The following GARIN1B variants were observed in gnomAD, a reference collection of about 807,000 sequenced individuals.
GARIN1B encodes golgi associated RAB2 interactor 1B, also known as Golgi-associated RAB2 interactor protein 1B.
At chr7:128,718,816 C>T in the GARIN1B span, 1 of 1,610,894 alleles carries the variant, frequency 6.2e-7, no homozygotes, top group East Asian at 2.2e-5. Flanking sequence ...TGTGTGTCTT[C>T]CCTGGTGGCT....
chr7:128,727,197 C>T, the GARIN1B span, among the ~76,000 whole-genome samples: 6 of 152,350 alleles, frequency 3.9e-5, no homozygotes, highest in Middle Eastern at 3.4e-3. Context: ...TTCAAAACCA[C>T]GCACTGAGTG....
the GARIN1B span, among the ~76,000 whole-genome samples, chr7:128,726,422 C>A: frequency 8.5e-5 from 13 of 152,316 alleles, no homozygotes; most frequent in South Asian, 2.5e-3. Flanking sequence ...CAGAATGAAG[C>A]CCCTGAGTGA....
At chr7:128,718,412 A>G in the GARIN1B span, among the ~76,000 whole-genome samples, 1 of 150,774 alleles carries the variant, frequency 6.6e-6, no homozygotes, top group Non-Finnish European at 1.5e-5. Context: ...AGCCTGGGCA[A>G]CAAGAGCAAA....
chr7:128,712,408 C>T, the GARIN1B span, among the ~76,000 whole-genome samples: 2 of 152,200 alleles, frequency 1.3e-5, no homozygotes, highest in African/African-American at 4.8e-5. Context: ...CCATCACCAC[C>T]ATCCATCTCC....
chr7:128,731,162 C>G, the GARIN1B span: 1 of 1,534,332 alleles, frequency 6.5e-7, no homozygotes. Flanking sequence ...GTCAACACCA[C>G]TTTGCAGCAT....
At chr7:128,718,966 G>A in the GARIN1B span, 1 of 1,614,100 alleles carries the variant, frequency 6.2e-7, no homozygotes, top group Non-Finnish European at 8.5e-7. Context: ...TCCACTTCTG[G>A]ATCCGACTGG....
chr7:128,714,494 C>T, the GARIN1B span, among the ~76,000 whole-genome samples: 92 of 152,050 alleles, frequency 6.1e-4, no homozygotes, highest in African/African-American at 2.1e-3. Flanking sequence ...AGGAGAATCG[C>T]TTGAACTCGG....
chr7:128,725,706 C>A, the GARIN1B span, among the ~76,000 whole-genome samples: 1 of 152,080 alleles, frequency 6.6e-6, no homozygotes, highest in African/African-American at 2.4e-5. Context: ...TTTAAAGAAC[C>A]GTTTCTGTTT....
chr7:128,720,032 A>C, the GARIN1B span, among the ~76,000 whole-genome samples: 1 of 151,620 alleles, frequency 6.6e-6, no homozygotes, highest in Non-Finnish European at 1.5e-5. Flanking sequence ...TTTTCTTCTT[A>C]TTGCATTGTA....
At chr7:128,725,048 T>C in the GARIN1B span, 2 of 277,600 alleles carry the variant, frequency 7.2e-6, no homozygotes, top group East Asian at 2.0e-4. Flanking sequence ...CTTAGAATGC[T>C]ACTCAGCAGA....
the GARIN1B span, chr7:128,731,040 C>T: frequency 4.7e-6 from 7 of 1,484,386 alleles, no homozygotes; most frequent in Admixed American, 8.4e-5. Flanking sequence ...TGTGTGCCCA[C>T]AAAAGAGCTT....
the GARIN1B span, among the ~76,000 whole-genome samples, chr7:128,714,661 T>C: frequency 6.6e-6 from 1 of 152,144 alleles, no homozygotes; most frequent in African/African-American, 2.4e-5. Context: ...GTCAGCCTGC[T>C]TGGTTCTTTC....
the GARIN1B span, among the ~76,000 whole-genome samples, chr7:128,724,277 C>T: frequency 6.6e-6 from 1 of 152,216 alleles, no homozygotes; most frequent in Non-Finnish European, 1.5e-5. Context: ...TCCCAAAGTG[C>T]CAGGACTACA....
chr7:128,728,701 G>T, the GARIN1B span, among the ~76,000 whole-genome samples: 1 of 152,106 alleles, frequency 6.6e-6, no homozygotes, highest in Non-Finnish European at 1.5e-5. Flanking sequence ...GACATATGTG[G>T]CATACCACCT....
the GARIN1B span, among the ~76,000 whole-genome samples, chr7:128,722,872 C>T: frequency 6.6e-6 from 1 of 152,014 alleles, no homozygotes; most frequent in South Asian, 2.1e-4. Context: ...AGTATAAAAC[C>T]AAACAGCATA....
At chr7:128,713,828 A>G in the GARIN1B span, 5 of 554,538 alleles carry the variant, frequency 9.0e-6, no homozygotes, top group Non-Finnish European at 1.5e-5. Flanking sequence ...TATCTAAACC[A>G]ATGAGCTTTA....
At chr7:128,723,059 T>C in the GARIN1B span, 1 of 1,018,110 alleles carries the variant, frequency 9.8e-7, no homozygotes, top group Admixed American at 2.5e-5. Context: ...GCCTCAGAAT[T>C]GCCTCTGTGA....
chr7:128,717,077 AAGG>A, the GARIN1B span: 2 of 1,282,970 alleles, frequency 1.6e-6, no homozygotes, highest in Non-Finnish European at 2.1e-6. Flanking sequence ...TACTAAACTC[AAGG>A]AGAAGATAGA....
the GARIN1B span, chr7:128,726,915 T>C: frequency 6.4e-7 from 1 of 1,563,600 alleles, no homozygotes; most frequent in South Asian, 1.1e-5. Context: ...AGCTTTCTAC[T>C]CTGGATATAA....
Sources: gnomAD v4.1 joint callset for allele counts (sites outside exome capture counted in the v4.1 genomes callset) on GRCh38, gnomAD v4.1.1 for gene constraint, MANE v1.5 for transcripts, NCBI Gene and HGNC (gene_info 2026-07-23, HGNC 2026-07-21) for gene names.